GPD1L: variants seen among roughly 807,000 people sequenced by gnomAD.
GPD1L encodes the protein glycerol-3-phosphate dehydrogenase 1 like, also known as glycerol-3-phosphate dehydrogenase 1-like protein.
A neutral mutation model predicts 32.9 loss-of-function variants in GPD1L; 17 were observed. That is an observed-to-expected ratio of 0.52 (90% CI 0.35 to 0.78). The LOEUF is 0.78. Ranked by LOEUF, GPD1L falls within the 30% of genes least tolerant of loss-of-function variation. GPD1L has a pLI of 0.01. For synonymous variants in GPD1L, 187 were observed against 165.9 expected (o/e 1.13, Z -0.98); for missense variants, 361 against 447.8 (o/e 0.81, Z 1.75).
chr3:32,111,423 C>T (rs1004126335), intron 1 of GPD1L, among the ~76,000 whole-genome samples: 2 of 152,192 alleles, frequency 1.3e-5, no homozygotes, highest in Non-Finnish European at 2.9e-5. Flanking sequence ...AAAAGCGCTT[C>T]TCTCTAAGAA....
intron 1 of GPD1L, among the ~76,000 whole-genome samples, chr3:32,124,939 A>G (rs1050597307): frequency 1.3e-5 from 2 of 152,080 alleles, no homozygotes; most frequent in African/African-American, 4.8e-5. Flanking sequence ...ACAAACAGAG[A>G]GAGTATGCCA....
rs1559576354 is a variant in GPD1L at position 32,138,574 on chromosome 3, C to T, written c.226-13C>T. ...TAAGAGGAGAAACGGTCTTCTCTGC[C>T]TTTTGGTTGCAGGTTGCCATGTCAA... On this transcript the variant is annotated splice_polypyrimidine_tract_variant and intron_variant, in intron 2 of 7. Transcript: ENST00000282541. The T allele has an allele frequency of 6.2e-7, 1 of 1,613,804 alleles. No homozygotes were observed. The highest frequency in any genetic ancestry group is 8.5e-7 in the Non-Finnish European group (1 of 1,179,736).
At chr3:32,107,957 C>T (rs904177723) in intron 1 of GPD1L, among the ~76,000 whole-genome samples, 1 of 152,202 alleles carries the variant, frequency 6.6e-6, no homozygotes, top group Admixed American at 6.5e-5. Context: ...GATCTTGGCT[C>T]ACTGCAACCT....
intron 4 of GPD1L, among the ~76,000 whole-genome samples, chr3:32,142,132 T>C (rs939380642): frequency 2.0e-5 from 3 of 152,140 alleles, no homozygotes; most frequent in Non-Finnish European, 4.4e-5. Flanking sequence ...TTCTTTTTTT[T>C]TTTTTGAGAT....
chr3:32,144,708 T>C (rs1700794824), intron 4 of GPD1L, among the ~76,000 whole-genome samples: 1 of 151,596 alleles, frequency 6.6e-6, no homozygotes, highest in African/African-American at 2.4e-5. Flanking sequence ...GTTTTTGAGA[T>C]GGAGTCTCAC....
intron 1 of GPD1L, among the ~76,000 whole-genome samples, chr3:32,111,335 G>T (rs956846155): frequency 2.0e-5 from 3 of 152,184 alleles, no homozygotes; most frequent in African/African-American, 7.2e-5. Context: ...GTAGTGCAGT[G>T]GTATAAGAAA....
chr3:32,106,885 G>A lies in GPD1L; in HGVS notation c.47+127G>A, dbSNP rs1450351885. Reference sequence around the variant, plus strand: ...CTGCGCGCAGGGAGGCGGGGTGGGCGACCTCGTTGCTGGGCTGGGCACCGT... The same window carrying A: ...CTGCGCGCAGGGAGGCGGGGTGGGCAACCTCGTTGCTGGGCTGGGCACCGT... On this transcript the variant is annotated intron_variant, in intron 1 of 7. Coordinates refer to ENST00000282541, the MANE Select transcript of GPD1L (RefSeq NM_015141.4). The surrounding 1 kb of genome is among the most constrained non-coding windows in gnomAD (Gnocchi z 4.0). The A allele has an allele frequency of 3.4e-6, 3 of 870,818 alleles. No individual in the cohort carries two copies. The highest frequency in any genetic ancestry group is 4.7e-6 in the Non-Finnish European group (3 of 635,224). 53.9% of individuals were successfully genotyped at this position (870,818 alleles called of 1,614,324 possible). A position where few individuals can be genotyped will look rare whatever the true frequency, so the allele number is the denominator to read the frequency against.
Position 32,140,360 on chromosome 3 carries a change from A to G in GPD1L, c.499A>G (p.Thr167Ala). The G allele has an allele frequency of 1.9e-6, 3 of 1,614,166 alleles. No homozygotes were observed. The South Asian group carries it at 3.3e-5, about 18-fold the overall frequency. The stretch of plus-strand genomic sequence containing the variant: ...GGCTGCAGAGAAGTTCTGTGAGACC[A>G]CCATCGGTAAGCACTGCCTGGGAGG... ...EVAAEKFCETTIGSKVMENGL... is the reference protein window; with the variant it reads ...EVAAEKFCETAIGSKVMENGL... Residue 167 changes from threonine to alanine, a missense_variant, in exon 4 of 8, where the codon ACC becomes GCC. Transcript: ENST00000282541.
At position 32,146,451 on chromosome 3, in the gene GPD1L, G is replaced by T. The variant is rs9839669; in HGVS notation, c.506-171G>T. ...ATGTCAAATTGTAAATGATCACCTC[G>T]ATTGGAAACGGGATATTTTTACTTT... On this transcript the variant is annotated intron_variant, in intron 4 of 7. Transcript: ENST00000282541. Among the ~76,000 whole-genome samples the T allele has an allele frequency of 0.42, 63,249 of 151,924 alleles. 13,952 individuals are homozygous for T. The highest frequency in any genetic ancestry group is 0.55 in the African/African-American group (22,721 of 41,388).
At position 32,115,526 on chromosome 3, in the gene GPD1L, C is replaced by T. The variant is rs75483092; in HGVS notation, c.47+8768C>T. On this transcript the variant is annotated intron_variant, in intron 1 of 7. Coordinates refer to ENST00000282541, the MANE Select transcript of GPD1L (RefSeq NM_015141.4). ...CCTCATCATTTGGATTTTCTCTACC[C>T]GGTTTTTCCAGTGCTGAAGAAAGGA... 7.3e-3 allele frequency among the ~76,000 whole-genome samples: 1,114 copies of T among 152,198 alleles called. 8 individuals carry two copies. The highest frequency in any genetic ancestry group is 0.025 in the African/African-American group (1,058 of 41,542).
intron 1 of GPD1L, among the ~76,000 whole-genome samples, chr3:32,120,211 G>A (rs1416664117): frequency 6.6e-6 from 1 of 152,076 alleles, no homozygotes; most frequent in Non-Finnish European, 1.5e-5. Flanking sequence ...CCAGCTACTG[G>A]GGAGCCTGAG....
At chr3:32,115,822 T>C (rs7433209) in intron 1 of GPD1L, among the ~76,000 whole-genome samples, 31,275 of 94,548 alleles carry the variant, frequency 0.33, 8,271 homozygotes, top group East Asian at 0.62. Flanking sequence ...GGAGTCTCGC[T>C]CTGTTGCACA....
chr3:32,151,158 C>G (rs1307964304), intron 5 of GPD1L: 5 of 564,260 alleles, frequency 8.9e-6, no homozygotes, highest in Admixed American at 8.3e-5. Flanking sequence ...GTGCGCTTCT[C>G]TGGGTGGAGC....
chr3:32,157,064 C>G (rs1394576346), intron 5 of GPD1L, among the ~76,000 whole-genome samples: 5 of 152,082 alleles, frequency 3.3e-5, no homozygotes, highest in African/African-American at 1.2e-4. Context: ...AACCTAGGGG[C>G]TCAACTGAAG....
intron 2 of GPD1L, 76 bp downstream of exon 2, chr3:32,128,329 A>G: frequency 8.2e-7 from 1 of 1,222,434 alleles, no homozygotes; most frequent in Non-Finnish European, 1.2e-6. Context: ...GGGTTTTGGA[A>G]CTGGGAAAGC....
rs1701049635 is a variant in GPD1L at position 32,159,639 on chromosome 3, G to A, written c.924G>A (p.Val308=). ...AAGGACCGCAGACTTCTGCTGAAGT[G>A]TACCGCATCCTCAAACAGAAGGGAC... ...KLQGPQTSAE[V]YRILKQKGLL... Residue 308 remains valine, a synonymous_variant, in exon 7 of 8, where the codon GTG becomes GTA. Coordinates refer to ENST00000282541, the MANE Select transcript of GPD1L (RefSeq NM_015141.4). 6.2e-7 allele frequency: 1 copy of A among 1,612,316 alleles called. No homozygotes were observed. The highest frequency in any genetic ancestry group is 8.5e-7 in the Non-Finnish European group (1 of 1,178,598).
intron 4 of GPD1L, among the ~76,000 whole-genome samples, chr3:32,145,344 A>G (rs1183454979): frequency 2.6e-5 from 4 of 152,106 alleles, no homozygotes; most frequent in African/African-American, 9.7e-5. Flanking sequence ...GTTACTACCT[A>G]TTATCCATGA....
At chr3:32,118,774 T>C (rs1700367075) in intron 1 of GPD1L, among the ~76,000 whole-genome samples, 1 of 151,996 alleles carries the variant, frequency 6.6e-6, no homozygotes, top group Non-Finnish European at 1.5e-5. Context: ...AGTTCCTCAA[T>C]CCACTCTTTC....
At chr3:32,163,325 C>G (rs7612443) in intron 7 of GPD1L, among the ~76,000 whole-genome samples, 1 of 151,512 alleles carries the variant, frequency 6.6e-6, no homozygotes, top group Non-Finnish European at 1.5e-5. Flanking sequence ...CCCGCCACCA[C>G]GCCCAGCTAA....
Sources: allele counts gnomAD v4.1 joint callset (sites outside exome capture counted in the v4.1 genomes callset), GRCh38; gene constraint gnomAD v4.1.1; non-coding constraint Gnocchi (gnomAD v3.1); transcripts MANE v1.5; gene names NCBI Gene and HGNC (gene_info 2026-07-23, HGNC 2026-07-21).